The following SH3BP4 variants were observed in gnomAD, a reference collection of about 807,000 sequenced individuals.
SH3BP4 encodes SH3 domain binding protein 4.
A neutral mutation model predicts 65.5 loss-of-function variants in SH3BP4; 33 were observed. The ratio of observed to expected loss-of-function variants is 0.50; its 90% CI spans 0.38 to 0.67. The LOEUF (loss-of-function observed/expected upper bound fraction) is 0.67. SH3BP4 is among the 30% of genes least tolerant of loss of function. SH3BP4 has a pLI of 0.00. For missense variants in SH3BP4, 1,134 were observed against 1,261.4 expected, an observed-to-expected ratio of 0.90 and a Z score of 1.53; for synonymous variants, 552 against 545.5, an observed-to-expected ratio of 1.01 and a Z score of -0.17.
intron 3 of SH3BP4, among the ~76,000 whole-genome samples, chr2:235,040,234 C>CATAA (rs140096156): frequency 0.14 from 21,136 of 151,470 alleles, 2,071 homozygotes; most frequent in East Asian, 0.41. Flanking sequence ...GACACTGTCT[C>CATAA]ATAAATAAAT....
At chr2:234,982,241 C>T (rs12472470) in intron 1 of SH3BP4, among the ~76,000 whole-genome samples, 8,147 of 152,220 alleles carry the variant, frequency 0.054, 625 homozygotes, top group East Asian at 0.25. Context: ...CCCAGCTGAG[C>T]GGGGCATCGC....
At chr2:235,017,960 T>C (rs1159512249) in intron 2 of SH3BP4, among the ~76,000 whole-genome samples, 1 of 152,166 alleles carries the variant, frequency 6.6e-6, no homozygotes, top group Non-Finnish European at 1.5e-5. Context: ...TCTTGGGTCC[T>C]ATCAACACCA....
intron 4 of SH3BP4, among the ~76,000 whole-genome samples, chr2:235,044,298 T>C (rs1376565875): frequency 6.6e-6 from 1 of 152,252 alleles, no homozygotes; most frequent in Non-Finnish European, 1.5e-5. Context: ...GGTTACGCCC[T>C]GGCCCACGAG....
chr2:235,024,721 C>A (rs1054183397), intron 2 of SH3BP4, among the ~76,000 whole-genome samples: 4 of 152,098 alleles, frequency 2.6e-5, no homozygotes, highest in Non-Finnish European at 5.9e-5. Context: ...TAAAACATTC[C>A]TTTGAGTTAA....
intron 2 of SH3BP4, among the ~76,000 whole-genome samples, chr2:235,012,348 T>TA (rs1038068301): frequency 2.0e-4 from 30 of 152,332 alleles, no homozygotes; most frequent in Middle Eastern, 3.4e-3. Flanking sequence ...AGGCTCCACT[T>TA]ACACAGGTTG....
intron 1 of SH3BP4, among the ~76,000 whole-genome samples, chr2:234,984,508 C>T (rs1270095362): frequency 6.6e-6 from 1 of 152,112 alleles, no homozygotes; most frequent in South Asian, 2.1e-4. Flanking sequence ...TAAGCCCTGT[C>T]CTTTTCAGTG....
At chr2:235,014,037 T>A (rs1170005033) in intron 2 of SH3BP4, among the ~76,000 whole-genome samples, 5 of 152,174 alleles carry the variant, frequency 3.3e-5, no homozygotes. Context: ...AAAATTGTTA[T>A]TTACTAAAAG....
intron 2 of SH3BP4, among the ~76,000 whole-genome samples, chr2:235,011,919 G>T (rs190532420): frequency 6.6e-6 from 1 of 152,340 alleles, no homozygotes; most frequent in Non-Finnish European, 1.5e-5. Context: ...CAGGCTCTGG[G>T]TGGGGGATGG....
chr2:235,026,317 C>A lies in SH3BP4; in HGVS notation c.-132-8554C>A, dbSNP rs1157920053. On this transcript the variant is annotated intron_variant, in intron 2 of 5. Coordinates refer to ENST00000392011, the MANE Select transcript of SH3BP4 (RefSeq NM_014521.3). This position sits in a 1 kb window ranked among gnomAD's most constrained non-coding sequence, Gnocchi z 4.6. The stretch of plus-strand genomic sequence containing the variant: ...GACTCCAGCCGCGCTAGCCATCTCA[C>A]TTTTTACAATAAAAACTGAGCAAGC... Among the ~76,000 whole-genome samples the A allele has an allele frequency of 6.6e-6, 1 of 152,188 alleles. No homozygotes were observed. Among genetic ancestry groups the A allele is most frequent in the Non-Finnish European group, 1.5e-5 (1 of 68,040 alleles).
intron 1 of SH3BP4, among the ~76,000 whole-genome samples, chr2:234,962,363 C>G (rs1692734014): frequency 6.6e-6 from 1 of 152,114 alleles, no homozygotes; most frequent in African/African-American, 2.4e-5. Context: ...GTCTTGAACT[C>G]CTGACCTCAA....
chr2:234,974,506 A>G lies in SH3BP4; in HGVS notation c.-206-20797A>G, dbSNP rs1356876497. Among the ~76,000 whole-genome samples, 2 of 152,208 alleles carry G rather than the reference A, an allele frequency of 1.3e-5. No individual in the cohort carries two copies. Among genetic ancestry groups the G allele is most frequent in the Admixed American group, 6.5e-5 (1 of 15,282 alleles). The stretch of plus-strand genomic sequence containing the variant: ...GACAGGCAGCCCTGGAGCTAACAGG[A>G]GTATCCTGCATCCCACCACAGGATG... On this transcript the variant is annotated intron_variant, in intron 1 of 5. Transcript: ENST00000392011. The surrounding 1 kb of genome is among the most constrained non-coding windows in gnomAD (Gnocchi z 4.6).
chr2:235,047,391 G>A (rs985480162), intron 4 of SH3BP4, among the ~76,000 whole-genome samples: 15 of 152,298 alleles, frequency 9.8e-5, no homozygotes, highest in East Asian at 9.6e-4. Flanking sequence ...TGAAACCCTC[G>A]CTGTGCATCC....
At chr2:235,031,617 C>T (rs1419718604) in intron 2 of SH3BP4, among the ~76,000 whole-genome samples, 1 of 152,234 alleles carries the variant, frequency 6.6e-6, no homozygotes, top group Non-Finnish European at 1.5e-5. Flanking sequence ...TCCACCACAG[C>T]CCCTCCATCC....
chr2:235,024,661 G>A (rs1460214430), intron 2 of SH3BP4, among the ~76,000 whole-genome samples: 2 of 152,194 alleles, frequency 1.3e-5, no homozygotes, highest in African/African-American at 4.8e-5. Flanking sequence ...AGATGTATGT[G>A]TGGGGCTGGC....
At chr2:234,953,486 T>A (rs1692522192) in intron 1 of SH3BP4, among the ~76,000 whole-genome samples, 1 of 152,166 alleles carries the variant, frequency 6.6e-6, no homozygotes, top group Non-Finnish European at 1.5e-5. Context: ...CCCAGTGGGC[T>A]GGGGGCTTTC....
chr2:235,028,866 G>C (rs1695088176), intron 2 of SH3BP4, among the ~76,000 whole-genome samples: 1 of 152,150 alleles, frequency 6.6e-6, no homozygotes, highest in South Asian at 2.1e-4. Flanking sequence ...GAGGGGCTTG[G>C]TACCTGGGGA....
intron 1 of SH3BP4, among the ~76,000 whole-genome samples, chr2:234,990,347 G>C (rs1693710395): frequency 6.6e-6 from 1 of 152,158 alleles, no homozygotes; most frequent in Admixed American, 6.5e-5. Context: ...CTCCATTGAT[G>C]TCCACTGTGG....
chr2:234,995,877 C>T (rs1574803192), intron 2 of SH3BP4: 1 of 152,302 alleles, frequency 6.6e-6, no homozygotes, highest in Admixed American at 6.5e-5. Context: ...GGTCACCCTC[C>T]CTGGGGCGTC....
chr2:235,038,201 A>C, intron 3 of SH3BP4, among the ~76,000 whole-genome samples: 1 of 127,356 alleles, frequency 7.9e-6, no homozygotes, highest in Non-Finnish European at 1.6e-5. Flanking sequence ...ATATATATAC[A>C]CATATATATA....
Sources: gnomAD v4.1 joint callset for allele counts (sites outside exome capture counted in the v4.1 genomes callset) on GRCh38, gnomAD v4.1.1 for gene constraint, Gnocchi (gnomAD v3.1) non-coding constraint, MANE v1.5 for transcripts, NCBI Gene and HGNC (gene_info 2026-07-23, HGNC 2026-07-21) for gene names.